RPS6KA2: variants seen among roughly 807,000 people sequenced by gnomAD.
RPS6KA2 encodes the protein ribosomal protein S6 kinase alpha-2.
A neutral mutation model predicts 91.8 loss-of-function variants in RPS6KA2; 42 were observed. The ratio of observed to expected loss-of-function variants is 0.46; its 90% CI spans 0.36 to 0.59. The LOEUF (loss-of-function observed/expected upper bound fraction) is 0.59, where lower values mean the gene tolerates loss of function less well. Among genes scored for constraint, RPS6KA2 ranks in the 20% least tolerant of loss-of-function variants. The pLI, the probability that RPS6KA2 is intolerant of heterozygous loss-of-function variation, is 0.00. For synonymous variants in RPS6KA2, 414 were observed against 393.6 expected (o/e 1.05, Z -0.61); for missense variants, 798 against 978.5 (o/e 0.82, Z 2.46).
chr6:166,858,334 T>C (rs149533272), intron 1 of RPS6KA2: 15 of 748,202 alleles, frequency 2.0e-5, no homozygotes, highest in Middle Eastern at 2.4e-4. Flanking sequence ...AGGTTACCAA[T>C]ATGAAAAAGT....
At chr6:166,714,818 T>C (rs1167277696) in intron 2 of RPS6KA2, among the ~76,000 whole-genome samples, 1 of 152,210 alleles carries the variant, frequency 6.6e-6, no homozygotes, top group South Asian at 2.1e-4. Context: ...TTGTGGAACT[T>C]TGTTTACCAC....
At chr6:166,650,032 G>A (rs1214297589) in intron 2 of RPS6KA2, among the ~76,000 whole-genome samples, 1 of 151,712 alleles carries the variant, frequency 6.6e-6, no homozygotes, top group Non-Finnish European at 1.5e-5. Flanking sequence ...AAGAACATTG[G>A]CCTCAGAAAT....
chr6:166,618,013 G>A (rs146532090), intron 1 of RPS6KA2, among the ~76,000 whole-genome samples: 1 of 152,340 alleles, frequency 6.6e-6, no homozygotes, highest in East Asian at 1.9e-4. Context: ...GCTCTGTCCC[G>A]GATGGCTGAG....
In RPS6KA2 at chr6:166,783,858, C is replaced by T. The variant is rs74628444; in HGVS notation, c.123+74342G>A. ...TGCACACCTATCTATACCACATATG[C>T]ACACGTGCACACCTACGCATCACCA... is the stretch of plus-strand genomic sequence containing the variant. On this transcript the variant is annotated intron_variant, in intron 2 of 21. Transcript: ENST00000503859. Among the ~76,000 whole-genome samples, 364 of 75,402 alleles carry T rather than the reference C, an allele frequency of 4.8e-3. 2 individuals carry two copies. The highest frequency in any genetic ancestry group is 0.015 in the African/African-American group (187 of 12,180). 49.5% of individuals were successfully genotyped at this position (75,402 alleles called of 152,430 possible). A position where few individuals can be genotyped will look rare whatever the true frequency, so the allele number is the denominator to read the frequency against.
At position 166,807,377 on chromosome 6, in the gene RPS6KA2, C is replaced by A. The variant is rs191079889; in HGVS notation, c.123+50823G>T. ...GTTGACTCTGCCTTCCAAATATACC[C>A]ACACATGTGTTCTTTTTTCCACTTC... On this transcript the variant is annotated intron_variant, in intron 2 of 21. Transcript: ENST00000503859. 1.1e-4 allele frequency among the ~76,000 whole-genome samples: 17 copies of A among 152,296 alleles called. No individual in the cohort carries two copies. In the East Asian group the frequency reaches 3.3e-3, roughly 29 times the overall value.
chr6:166,594,958 A>G (rs1487774829), intron 1 of RPS6KA2, among the ~76,000 whole-genome samples: 1 of 152,228 alleles, frequency 6.6e-6, no homozygotes, highest in Admixed American at 6.5e-5. Context: ...GGATTCTAAC[A>G]TTAGTCTTGA....
At chr6:166,839,129 C>T (rs1028202208) in intron 2 of RPS6KA2, among the ~76,000 whole-genome samples, 4 of 152,164 alleles carry the variant, frequency 2.6e-5, no homozygotes, top group Non-Finnish European at 4.4e-5. Context: ...TACACCACAA[C>T]GTTTGTGGTG....
Position 166,821,909 on chromosome 6 carries a change from C to T in RPS6KA2, c.123+36291G>A, listed in dbSNP as rs1475852717. On this transcript the variant is annotated intron_variant, in intron 2 of 21. Coordinates refer to the RPS6KA2 transcript ENST00000503859. This position sits in a 1 kb window ranked among gnomAD's most constrained non-coding sequence, Gnocchi z 4.1. ...TCCCCTTCTCAGTTAACGGCACACT[C>T]AGATGTTCAGGTTCAACACTGGGCA... is the stretch of plus-strand genomic sequence containing the variant. 1.3e-5 allele frequency among the ~76,000 whole-genome samples: 2 copies of T among 152,186 alleles called. No homozygotes were observed. The highest frequency in any genetic ancestry group is 2.9e-5 in the Non-Finnish European group (2 of 68,038).
intron 8 of RPS6KA2, among the ~76,000 whole-genome samples, chr6:166,492,356 T>C (rs1781619852): frequency 6.6e-6 from 1 of 152,064 alleles, no homozygotes; most frequent in Admixed American, 6.5e-5. Context: ...CAAGTGTAAT[T>C]AAACAGGAAA....
chr6:166,591,442 C>T (rs1335671746), intron 1 of RPS6KA2, among the ~76,000 whole-genome samples: 1 of 152,158 alleles, frequency 6.6e-6, no homozygotes, highest in African/African-American at 2.4e-5. Context: ...GACTTGGAAA[C>T]AGGATCACTG....
chr6:166,828,651 C>T (rs946563481), intron 2 of RPS6KA2, among the ~76,000 whole-genome samples: 11 of 152,180 alleles, frequency 7.2e-5, no homozygotes, highest in African/African-American at 1.7e-4. Flanking sequence ...GTTGGACATA[C>T]TCTATATCAT....
At chr6:166,621,006 T>C (rs140143106) in intron 1 of RPS6KA2, among the ~76,000 whole-genome samples, 22 of 152,244 alleles carry the variant, frequency 1.4e-4, no homozygotes, top group African/African-American at 4.3e-4. Flanking sequence ...GAATCCTACC[T>C]CCACGGGGCA....
intron 2 of RPS6KA2, among the ~76,000 whole-genome samples, chr6:166,704,918 C>T (rs1468953239): frequency 1.3e-5 from 2 of 152,150 alleles, no homozygotes; most frequent in African/African-American, 2.4e-5. Flanking sequence ...TTCTTCTATG[C>T]CAGGATTTAA....
intron 1 of RPS6KA2, among the ~76,000 whole-genome samples, chr6:166,599,172 G>A (rs370086990): frequency 2.0e-5 from 3 of 152,238 alleles, no homozygotes; most frequent in African/African-American, 7.2e-5. Flanking sequence ...AAAGCAGGTA[G>A]AGGTTTTTAG....
At chr6:166,520,195 G>A (rs961023216) in intron 3 of RPS6KA2, among the ~76,000 whole-genome samples, 6 of 152,174 alleles carry the variant, frequency 3.9e-5, no homozygotes, top group African/African-American at 1.4e-4. Context: ...TCAGGACTTC[G>A]AATTCAGACT....
Position 166,418,420 on chromosome 6 carries a change from C to A in RPS6KA2, c.1821-78G>T. 9.4e-7 allele frequency: 1 copy of A among 1,066,754 alleles called. No homozygotes were observed. Among genetic ancestry groups the A allele is most frequent in the South Asian group, 1.3e-5 (1 of 77,442 alleles). 66.1% of individuals were successfully genotyped at this position (1,066,754 alleles called of 1,614,324 possible). On this transcript the variant is annotated intron_variant, in intron 18 of 20. Coordinates refer to ENST00000265678, the MANE Select transcript of RPS6KA2 (RefSeq NM_021135.6). The surrounding 1 kb of genome is among the most constrained non-coding windows in gnomAD (Gnocchi z 4.9). ...TAAAGTTTGCAAGTTGATATCACCC[C>A]TTGGCTGTTCAAAGGAATAGCACTT...
chr6:166,498,745 C>A, intron 7 of RPS6KA2, 95 bp from the exon 8 acceptor site: 4 of 1,497,148 alleles, frequency 2.7e-6, no homozygotes, highest in South Asian at 2.3e-5. Flanking sequence ...GTGGGCTCTG[C>A]CCCCTCTCCA....
rs181019591 is a variant in RPS6KA2, at chr6:166,413,373, C to T, written c.2076+421G>A. 1.9e-4 allele frequency among the ~76,000 whole-genome samples: 29 copies of T among 152,282 alleles called. 1 individual carries two copies. The highest frequency in any genetic ancestry group is 6.0e-4 in the African/African-American group (25 of 41,552). On this transcript the variant is annotated intron_variant, in intron 20 of 20. Coordinates refer to ENST00000265678, the MANE Select transcript of RPS6KA2 (RefSeq NM_021135.6). ...ATTCTCAGAATGGATCTGGAGGGGG[C>T]GGCTCTTAACTGGATCATGCCTATT... is the stretch of plus-strand genomic sequence containing the variant.
intron 1 of RPS6KA2, among the ~76,000 whole-genome samples, chr6:166,566,980 C>T (rs1784525616): frequency 1.3e-5 from 2 of 152,176 alleles, no homozygotes; most frequent in Admixed American, 6.5e-5. Flanking sequence ...GTCGCAGGTG[C>T]AAATGTGAAC....
Sources: allele counts gnomAD v4.1 joint callset (sites outside exome capture counted in the v4.1 genomes callset), GRCh38; gene constraint gnomAD v4.1.1; non-coding constraint Gnocchi (gnomAD v3.1); transcripts MANE v1.5; gene names NCBI Gene and HGNC (gene_info 2026-07-23, HGNC 2026-07-21).